WASHC4: variants seen among roughly 807,000 people sequenced by gnomAD.
The protein encoded by WASHC4 is WASH complex subunit 7.
A neutral mutation model predicts 166.6 loss-of-function variants in WASHC4; 86 were observed. The observed-to-expected ratio is 0.52, with a 90% CI of 0.43 to 0.62. The LOEUF (loss-of-function observed/expected upper bound fraction) is 0.62. Ranked by LOEUF, WASHC4 falls within the 20% of genes least tolerant of loss-of-function variation. The pLI is 0.00. For missense variants in WASHC4, 1,262 were observed against 1,382.4 expected (o/e 0.91, Z 1.38); for synonymous variants, 446 against 451.6 (o/e 0.99, Z 0.16).
intron 13 of WASHC4, among the ~76,000 whole-genome samples, chr12:105,130,019 C>CA (rs1418537840): frequency 6.6e-6 from 1 of 152,110 alleles, no homozygotes; most frequent in Non-Finnish European, 1.5e-5. Flanking sequence ...CTGTAATGAT[C>CA]AGAAAATTGT....
Position 105,111,158 on chromosome 12 carries a change from G to A in WASHC4, c.95G>A (p.Gly32Glu), listed in dbSNP as rs1390559997. ...GCCGAAGTCCAACTTAAGAATTATG[G>A]GAAATTTCTTGAGGAGTATACCTCT... ...IHAEVQLKNY[G>E]KFLEEYTSQL... Residue 32 changes from glycine to glutamate, a missense_variant, in exon 2 of 33, where the codon GGG becomes GAG. Coordinates refer to ENST00000332180, the MANE Select transcript of WASHC4 (RefSeq NM_015275.3). 1 of 1,606,682 alleles carries A rather than the reference G, an allele frequency of 6.2e-7. No individual in the cohort carries two copies. Among genetic ancestry groups the A allele is most frequent in the South Asian group, 1.1e-5 (1 of 90,930 alleles).
intron 28 of WASHC4, among the ~76,000 whole-genome samples, chr12:105,157,729 T>C (rs1223404412): frequency 1.3e-5 from 2 of 152,228 alleles, no homozygotes; most frequent in Non-Finnish European, 2.9e-5. Flanking sequence ...CAGTCCTTTC[T>C]TATATGTAAT....
At chr12:105,153,201 A>G (rs368313978) in intron 26 of WASHC4, among the ~76,000 whole-genome samples, 4 of 152,222 alleles carry the variant, frequency 2.6e-5, no homozygotes, top group East Asian at 1.9e-4. Context: ...CTTATTGACT[A>G]TATTTTGGGA....
intron 15 of WASHC4, among the ~76,000 whole-genome samples, chr12:105,139,536 T>G (rs1210959989): frequency 1.3e-5 from 2 of 150,344 alleles, no homozygotes; most frequent in African/African-American, 4.9e-5. Flanking sequence ...ATTATCGAGC[T>G]TCATTTTTTA....
intron 13 of WASHC4, among the ~76,000 whole-genome samples, chr12:105,132,073 A>G (rs917029261): frequency 6.6e-6 from 1 of 152,226 alleles, no homozygotes; most frequent in African/African-American, 2.4e-5. Flanking sequence ...AGAATGGGAC[A>G]TTTCTTTACC....
chr12:105,168,311 T>C lies in WASHC4; in HGVS notation c.*1380T>C, dbSNP rs1311600303. Reference sequence around the variant, plus strand: ...TGTAGGAAATGTTTTTTGTTTATTATGTAAACATGGCTTACAGAATTATGA... The same window carrying C: ...TGTAGGAAATGTTTTTTGTTTATTACGTAAACATGGCTTACAGAATTATGA... On this transcript the variant is annotated 3_prime_UTR_variant, in exon 33 of 33. Coordinates refer to ENST00000332180, the MANE Select transcript of WASHC4 (RefSeq NM_015275.3). The C allele has an allele frequency of 5.9e-5, 9 of 152,694 alleles. No individual in the cohort carries two copies. In the South Asian group the frequency reaches 1.0e-3, roughly 18 times the overall value. 9.5% of individuals were successfully genotyped at this position (152,694 alleles called of 1,614,324 possible).
chr12:105,166,927 A>G lies in WASHC4; in HGVS notation c.3518A>G (p.Lys1173Arg). 6.3e-7 allele frequency: 1 copy of G among 1,595,548 alleles called. No homozygotes were observed. Among genetic ancestry groups the G allele is most frequent in the Non-Finnish European group, 8.6e-7 (1 of 1,167,080 alleles). ...ACTGTGTCTGCTGATCCTGTTGTGA[A>G]ATGATACGGATGGTATTCACTGCAC... ...DSTVSADPVV[K>R] The change falls in exon 33 of 33, where the codon AAA becomes AGA. Residue 1173 changes from lysine (K) to arginine (R), a missense_variant. Coordinates refer to ENST00000332180, the MANE Select transcript of WASHC4 (RefSeq NM_015275.3).
chr12:105,126,306 A>G lies in WASHC4; in HGVS notation c.982A>G (p.Ile328Val). 1.9e-6 allele frequency: 3 copies of G among 1,606,520 alleles called. No individual in the cohort carries two copies. The highest frequency in any genetic ancestry group is 2.6e-6 in the Non-Finnish European group (3 of 1,173,828). ...TGGACTCTTTGTATTGCACTTTCAG[A>G]TTTTTCGAACTATTGATAAAAAGTT... Reference protein sequence around the residue: ...ICGLFVLHFQIFRTIDKKFYK... With the variant: ...ICGLFVLHFQVFRTIDKKFYK... The change falls in exon 12 of 33, where the codon ATT becomes GTT. Residue 328 changes from isoleucine (I) to valine (V), a missense_variant. Transcript: ENST00000332180.
At chr12:105,163,483 C>G (rs1275980440) in intron 30 of WASHC4, among the ~76,000 whole-genome samples, 2 of 152,008 alleles carry the variant, frequency 1.3e-5, no homozygotes, top group East Asian at 3.9e-4. Flanking sequence ...CAATTGCCAT[C>G]TTTTTAGCAG....
intron 32 of WASHC4, among the ~76,000 whole-genome samples, chr12:105,166,543 C>T (rs182452608): frequency 6.6e-6 from 1 of 152,178 alleles, no homozygotes; most frequent in East Asian, 1.9e-4. Context: ...GGGGAGCGGG[C>T]CTTTCTTAGA....
At chr12:105,166,714 G>A in intron 32 of WASHC4, 150 bp from the exon 33 acceptor site, 1 of 650,188 alleles carries the variant, frequency 1.5e-6, no homozygotes, top group East Asian at 2.9e-5. Context: ...TGTAAACAAG[G>A]TATAATTTGT....
In WASHC4 at chr12:105,144,743, G is replaced by T. The variant is rs767342629; in HGVS notation, c.2205G>T (p.Lys735Asn). 1.2e-6 allele frequency: 2 copies of T among 1,610,632 alleles called. No homozygotes were observed. Among genetic ancestry groups the T allele is most frequent in the Non-Finnish European group, 1.7e-6 (2 of 1,178,510 alleles). ...CTTACGTAACTCACTACCTAGACAAGACTTTCTACAATCTAACAACTGTAG... is the reference window on the plus strand; with the variant it reads ...CTTACGTAACTCACTACCTAGACAATACTTTCTACAATCTAACAACTGTAG... ...IRAYVTHYLDKTFYNLTTVAL... is the reference protein window; with the variant it reads ...IRAYVTHYLDNTFYNLTTVAL... The change falls in exon 22 of 33, where the codon AAG becomes AAT. Residue 735 changes from lysine to asparagine, a missense_variant. Transcript: ENST00000332180.
Position 105,120,568 on chromosome 12 carries a change from A to G in WASHC4, c.532A>G (p.Ile178Val). ...LYISNKIAPK[I>V]IETTGVHFQT... is the part of the protein sequence containing the mutation. ...ATTTTATTATAGGATTGCACCCAAA[A>G]TTATAGAGACAACTGGAGTTCATTT... Residue 178 changes from isoleucine (I) to valine (V), a missense_variant, in exon 8 of 33, where the codon ATT (isoleucine) becomes GTT (valine). Ile to Val is a conservative substitution (Grantham distance 29). Transcript: ENST00000332180. 1 of 1,602,316 alleles carries G rather than the reference A, an allele frequency of 6.2e-7. No individual in the cohort carries two copies. Among genetic ancestry groups the G allele is most frequent in the Non-Finnish European group, 8.6e-7 (1 of 1,169,412 alleles).
rs1883119245 is a variant in WASHC4, at chr12:105,144,389, A to G, written c.2113A>G (p.Lys705Glu). The stretch of plus-strand genomic sequence containing the variant: ...CCGAAACCCTTTCAAAGTTGGCATG[A>G]AAGACCTGGCTCTTTTTTTCTCTCT... ...DDRNPFKVGM[K>E]DLALFFSLNP... The change falls in exon 21 of 33, where the codon AAA becomes GAA. Residue 705 changes from lysine (K) to glutamate (E), a missense_variant. By Grantham distance (56) the Lys-to-Glu change is moderately conservative. Transcript: ENST00000332180. 1.9e-6 allele frequency: 3 copies of G among 1,613,630 alleles called. 1 individual carries two copies. Among genetic ancestry groups the G allele is most frequent in the East Asian group, 4.5e-5 (2 of 44,850 alleles).
chr12:105,118,638 CTT>C lies in WASHC4; in HGVS notation c.518+111_518+112del, dbSNP rs1406721741. On this transcript the variant is annotated intron_variant, in intron 7 of 32. Transcript: ENST00000332180. ...TCTTTCATTCAGCATTCTTTGAACACTTATGATATTTCAAACACTACTTGATG... is the reference window on the plus strand; with the variant it reads ...TCTTTCATTCAGCATTCTTTGAACACATGATATTTCAAACACTACTTGATG... 2.3e-4 allele frequency: 169 copies of C among 744,672 alleles called. 1 individual carries two copies. Among genetic ancestry groups the C allele is most frequent in the Non-Finnish European group, 5.1e-5 (21 of 413,452 alleles). 46.1% of individuals were successfully genotyped at this position (744,672 alleles called of 1,614,324 possible).
rs76588713 is a variant in WASHC4 at position 105,133,172 on chromosome 12, G to A, written c.1200-598G>A. Among the ~76,000 whole-genome samples the A allele has an allele frequency of 7.8e-3, 1,192 of 151,996 alleles. 21 individuals carry two copies. The highest frequency in any genetic ancestry group is 0.027 in the African/African-American group (1,099 of 41,442). ...ACCCCACTCCCTCCCTCTGTATCTC[G>A]CTCATCTAATCCCTGCTCACAGTGC... On this transcript the variant is annotated intron_variant, in intron 13 of 32. Coordinates refer to ENST00000332180, the MANE Select transcript of WASHC4 (RefSeq NM_015275.3).
intron 9 of WASHC4, among the ~76,000 whole-genome samples, chr12:105,121,909 C>T (rs757293440): frequency 6.6e-6 from 1 of 151,962 alleles, no homozygotes; most frequent in Non-Finnish European, 1.5e-5. Context: ...TATTAAATGT[C>T]TGGTATGTAC....
intron 10 of WASHC4, among the ~76,000 whole-genome samples, chr12:105,124,610 A>C (rs1227003307): frequency 6.6e-6 from 1 of 151,888 alleles, no homozygotes; most frequent in Non-Finnish European, 1.5e-5. Flanking sequence ...CCTCCCGAGT[A>C]GCTGGGATTA....
intron 24 of WASHC4, chr12:105,148,682 ATT>A: frequency 3.0e-6 from 3 of 985,364 alleles, no homozygotes; most frequent in Non-Finnish European, 3.6e-6. Flanking sequence ...CCCGAAAATC[ATT>A]TGTTTCCATA....
Sources: allele counts gnomAD v4.1 joint callset (sites outside exome capture counted in the v4.1 genomes callset), GRCh38; gene constraint gnomAD v4.1.1; transcripts MANE v1.5; gene names NCBI Gene and HGNC (gene_info 2026-07-23, HGNC 2026-07-21).